The following MROH2B variants were observed in gnomAD, a reference collection of about 807,000 sequenced individuals.
MROH2B encodes maestro heat-like repeat-containing protein family member 2B.
In MROH2B, 177 loss-of-function variants were observed where a neutral mutation model predicts 208.6. The observed-to-expected ratio is 0.85, with a 90% CI of 0.75 to 0.96. The LOEUF (loss-of-function observed/expected upper bound fraction) is 0.96, where lower values mean the gene tolerates loss of function less well. Among genes scored for constraint, MROH2B ranks in the 40% least tolerant of loss-of-function variants. The pLI is 0.00. For missense variants in MROH2B, 2,002 were observed against 1,878.7 expected, an observed-to-expected ratio of 1.07 and a Z score of -1.21; for synonymous variants, 728 against 659.0, an observed-to-expected ratio of 1.10 and a Z score of -1.60.
At chr5:41,035,099 T>C (rs957929680) in intron 21 of MROH2B, among the ~76,000 whole-genome samples, 1 of 152,004 alleles carries the variant, frequency 6.6e-6, no homozygotes, top group African/African-American at 2.4e-5. Flanking sequence ...AAAAAACTAT[T>C]ATAAAATTCA....
chr5:41,061,578 G>T lies in MROH2B; in HGVS notation c.607C>A (p.Pro203Thr), dbSNP rs754520397. The T allele has an allele frequency of 6.8e-6, 11 of 1,611,752 alleles. No homozygotes were observed. In the South Asian group the frequency reaches 1.2e-4, roughly 18 times the overall value. Reference sequence around the variant, plus strand: ...TCCTGAGGCCCACTCACCTGCATGGGTGAGGCCAAAGGGGCCCACTTCTCC... The same window carrying T: ...TCCTGAGGCCCACTCACCTGCATGGTTGAGGCCAAAGGGGCCCACTTCTCC... ...IMEKWAPLAS[P>T]MQTLSIVKAH... The change falls in exon 6 of 42, where the codon CCC becomes ACC. Residue 203 changes from proline to threonine, a missense_variant. Coordinates refer to ENST00000399564, the MANE Select transcript of MROH2B (RefSeq NM_173489.5).
At chr5:41,016,254 T>G (rs1741945009) in intron 28 of MROH2B, among the ~76,000 whole-genome samples, 1 of 152,198 alleles carries the variant, frequency 6.6e-6, no homozygotes, top group African/African-American at 2.4e-5. Context: ...TACTTGTGTC[T>G]AGTAGGTGTT....
intron 24 of MROH2B, among the ~76,000 whole-genome samples, chr5:41,024,817 G>A (rs1464411424): frequency 6.6e-6 from 1 of 152,128 alleles, no homozygotes; most frequent in Non-Finnish European, 1.5e-5. Context: ...TAAAAGAACA[G>A]AAATTATAAC....
At chr5:41,052,027 C>T (rs1212954271) in intron 12 of MROH2B, among the ~76,000 whole-genome samples, 1 of 152,012 alleles carries the variant, frequency 6.6e-6, no homozygotes, top group Non-Finnish European at 1.5e-5. Flanking sequence ...TTTGCTATAG[C>T]AGCCTGAATG....
Position 41,036,151 on chromosome 5 carries a change from CA to C in MROH2B, c.2215-2288del, listed in dbSNP as rs1320665051. Among the ~76,000 whole-genome samples the C allele has an allele frequency of 4.1e-3, 616 of 152,036 alleles. 3 individuals are homozygous for C. Among genetic ancestry groups the C allele is most frequent in the African/African-American group, 0.012 (498 of 41,488 alleles). On this transcript the variant is annotated intron_variant, in intron 21 of 41. Coordinates refer to ENST00000399564, the MANE Select transcript of MROH2B (RefSeq NM_173489.5). Reference sequence around the variant, plus strand: ...ATATACACACACACACACACACACACACCCCACATTTATACATAGATATGGT... The same window carrying C: ...ATATACACACACACACACACACACACCCCCACATTTATACATAGATATGGT...
chr5:41,032,776 G>C lies in MROH2B; in HGVS notation c.2407C>G (p.Arg803Gly), dbSNP rs369098509. The C allele has an allele frequency of 6.2e-7, 1 of 1,612,582 alleles. No individual in the cohort carries two copies. The change falls in exon 24 of 42, where the codon CGG becomes GGG. Residue 803 changes from arginine (R) to glycine (G), a missense_variant. Physicochemically the swap from Arg to Gly is moderately radical, Grantham distance 125 (BLOSUM62 -2). Transcript: ENST00000399564. ...CTAATGGCGATTAAGGCTTTCCACC[G>C]AATAGGGCTAGCTAAGGAATCCAGG... is the stretch of plus-strand genomic sequence containing the variant. ...EPLDSLASPIRWKALIAIRYL... is the reference protein window; with the variant it reads ...EPLDSLASPIGWKALIAIRYL...
intron 12 of MROH2B, chr5:41,051,687 A>G (rs1743290044): frequency 6.6e-6 from 1 of 152,360 alleles, no homozygotes; most frequent in Middle Eastern, 3.4e-3. Flanking sequence ...AGTCCCTTCC[A>G]CTAGGTAAGG....
chr5:41,020,162 A>G (rs1478963822), intron 24 of MROH2B, among the ~76,000 whole-genome samples: 1 of 152,164 alleles, frequency 6.6e-6, no homozygotes, highest in Non-Finnish European at 1.5e-5. Context: ...AATATAAATT[A>G]TCCAATTTTA....
chr5:41,065,338 G>A lies in MROH2B; in HGVS notation c.354C>T (p.Thr118=), dbSNP rs773039514. 6.2e-7 allele frequency: 1 copy of A among 1,611,754 alleles called. No individual in the cohort carries two copies. Among genetic ancestry groups the A allele is most frequent in the Non-Finnish European group, 8.5e-7 (1 of 1,178,976 alleles). Residue 118 remains threonine, a synonymous_variant, in exon 4 of 42, where the codon ACC becomes ACT. Coordinates refer to ENST00000399564, the MANE Select transcript of MROH2B (RefSeq NM_173489.5). ...AGAATATTCCCGCTATACCATAGCT[G>A]GTTGCCAATTCAGCCAGGGCAAGCA... The part of the protein sequence containing the change: ...FVVLALAELA[T]SYVSQSIPFM...
chr5:41,028,586 T>C (rs1297008779), intron 24 of MROH2B, among the ~76,000 whole-genome samples: 1 of 152,178 alleles, frequency 6.6e-6, no homozygotes, highest in Non-Finnish European at 1.5e-5. Context: ...GTCTGGCTTA[T>C]TTTACATAGT....
chr5:41,061,839 A>G, intron 5 of MROH2B, 115 bp from the exon 6 acceptor site: 1 of 1,132,620 alleles, frequency 8.8e-7, no homozygotes, highest in Non-Finnish European at 1.2e-6. Flanking sequence ...TTTTTAGATG[A>G]TCTTACGACT....
intron 5 of MROH2B, among the ~76,000 whole-genome samples, chr5:41,063,157 GT>G (rs1743693364): frequency 6.6e-6 from 1 of 152,160 alleles, no homozygotes; most frequent in Non-Finnish European, 1.5e-5. Flanking sequence ...AGGATTTCTA[GT>G]TTTATTTAAT....
intron 24 of MROH2B, among the ~76,000 whole-genome samples, chr5:41,031,226 G>A (rs1742557812): frequency 6.6e-6 from 1 of 152,148 alleles, no homozygotes; most frequent in African/African-American, 2.4e-5. Flanking sequence ...CAAAGGGAAA[G>A]CAGGCACCTC....
chr5:41,015,865 T>C (rs1445404129), intron 28 of MROH2B, among the ~76,000 whole-genome samples: 3 of 152,224 alleles, frequency 2.0e-5, no homozygotes, highest in Non-Finnish European at 4.4e-5. Flanking sequence ...CTATCTCTCT[T>C]GGATTTCTAT....
Position 41,067,125 on chromosome 5 carries a change from C to A in MROH2B, c.184G>T (p.Asp62Tyr). 6.4e-7 allele frequency: 1 copy of A among 1,551,436 alleles called. No homozygotes were observed. The highest frequency in any genetic ancestry group is 2.4e-5 in the East Asian group (1 of 41,626). The change falls in exon 3 of 42, where the codon GAT becomes TAT. Residue 62 changes from aspartate to tyrosine, a missense_variant. Coordinates refer to ENST00000399564, the MANE Select transcript of MROH2B (RefSeq NM_173489.5). ...VQRLIYYASK[D>Y]MRDNNMLREI... is the part of the protein sequence containing the mutation. ...AAACTTACATTGTTGTCTCTCATAT[C>A]CTTAGAAGCATAATAAATCAATCGT...
chr5:41,050,055 T>C lies in MROH2B; in HGVS notation c.1345-619A>G, dbSNP rs145428353. On this transcript the variant is annotated intron_variant, in intron 13 of 41. Transcript: ENST00000399564. Reference sequence around the variant, plus strand: ...ATCACCAGACTCAGTCCTTTTTTCATTGTAAGATGTCTCCTGCCCTTTCAT... The same window carrying C: ...ATCACCAGACTCAGTCCTTTTTTCACTGTAAGATGTCTCCTGCCCTTTCAT... Among the ~76,000 whole-genome samples the C allele has an allele frequency of 8.8e-3, 1,340 of 152,328 alleles. 29 individuals are homozygous for C. The highest frequency in any genetic ancestry group is 0.014 in the Middle Eastern group (4 of 294).
Position 40,998,668 on chromosome 5 carries a change from A to G in MROH2B, c.4595T>C (p.Val1532Ala). ...CACATATTGGCTGGTCAAATTGAGAACAACGGCATCTAAAGTTAATAGGAG... is the reference window on the plus strand; with the variant it reads ...CACATATTGGCTGGTCAAATTGAGAGCAACGGCATCTAAAGTTAATAGGAG... ...SAAVKLTDAVVLNLTSQYVEL... is the reference protein window; with the variant it reads ...SAAVKLTDAVALNLTSQYVEL... Residue 1532 changes from valine to alanine, a missense_variant, in exon 41 of 42, where the codon GTT (valine) becomes GCT (alanine). Transcript: ENST00000399564. 1.3e-6 allele frequency: 2 copies of G among 1,584,326 alleles called. No homozygotes were observed. Among genetic ancestry groups the G allele is most frequent in the Non-Finnish European group, 1.7e-6 (2 of 1,164,108 alleles).
chr5:41,067,556 G>A lies in MROH2B; in HGVS notation c.91-338C>T, dbSNP rs534176391. On this transcript the variant is annotated intron_variant, in intron 2 of 41. Coordinates refer to ENST00000399564, the MANE Select transcript of MROH2B (RefSeq NM_173489.5). ...TAATTTTTGTATTTTTAGTAGAGAC[G>A]GGGTTTTTGCCATGTTGGCTACGCT... Among the ~76,000 whole-genome samples, 20 of 152,022 alleles carry A rather than the reference G, an allele frequency of 1.3e-4. No individual in the cohort carries two copies. The South Asian group carries it at 3.7e-3, about 28-fold the overall frequency.
intron 21 of MROH2B, among the ~76,000 whole-genome samples, chr5:41,036,789 G>A (rs932964598): frequency 1.3e-5 from 2 of 151,540 alleles, no homozygotes; most frequent in Admixed American, 1.3e-4. Context: ...TCTAAAAGTT[G>A]AAAAAAAATT....
Sources: allele counts gnomAD v4.1 joint callset (sites outside exome capture counted in the v4.1 genomes callset), GRCh38; gene constraint gnomAD v4.1.1; transcripts MANE v1.5; gene names NCBI Gene and HGNC (gene_info 2026-07-23, HGNC 2026-07-21).